Variants in MIP observed in about 807,000 individuals in gnomAD.
MIP encodes the protein major intrinsic protein of lens fiber, also known as lens fiber major intrinsic protein.
In MIP, 14 loss-of-function variants were observed where a neutral mutation model predicts 21.8. The ratio of observed to expected loss-of-function variants is 0.64; its 90% confidence interval spans 0.42 to 1.00. The LOEUF (loss-of-function observed/expected upper bound fraction) is 1.00, where lower values mean the gene tolerates loss of function less well. Among genes scored for constraint, MIP ranks in the 50% least tolerant of loss-of-function variants. The pLI is 0.00. For synonymous variants in MIP, 133 were observed against 141.4 expected, an observed-to-expected ratio of 0.94 and a Z score of 0.42; for missense variants, 260 against 333.5, an observed-to-expected ratio of 0.78 and a Z score of 1.72.
chr12:56,453,626 C>T lies in MIP; in HGVS notation c.490G>A (p.Val164Ile), dbSNP rs149279854. 2.2e-4 allele frequency: 348 copies of T among 1,614,136 alleles called. No individual in the cohort carries two copies. Among genetic ancestry groups the T allele is most frequent in the Non-Finnish European group, 2.8e-4 (336 of 1,180,060 alleles). ...TGCCCCAGGGCAAGGGAGAAGCCAA[C>T]GGCCAGGGCCACGGAGCCCAGTTGG... Reference protein sequence around the residue: ...NGQLGSVALAVGFSLALGHLF... With the variant: ...NGQLGSVALAIGFSLALGHLF... The change falls in exon 2 of 4, where the codon GTT (valine) becomes ATT (isoleucine). Residue 164 changes from valine (V) to isoleucine (I), a missense_variant. Transcript: ENST00000652304.
intron 2 of MIP, among the ~76,000 whole-genome samples, chr12:56,453,379 A>G (rs1337131865): frequency 6.6e-6 from 1 of 152,220 alleles, no homozygotes; most frequent in African/African-American, 2.4e-5. Flanking sequence ...TCTAGCCATG[A>G]TACGTTCATT....
Position 56,450,870 on chromosome 12 carries a change from C to T in MIP, c.*410G>A, listed in dbSNP as rs1868578723. 5.4e-6 allele frequency: 1 copy of T among 185,840 alleles called. No homozygotes were observed. The highest frequency in any genetic ancestry group is 5.5e-5 in the Admixed American group (1 of 18,210). The allele number at this position is 185,840 out of a possible 1,614,324, so 11.5% of individuals were successfully genotyped here. On this transcript the variant is annotated 3_prime_UTR_variant, in exon 4 of 4. Coordinates refer to ENST00000652304, the MANE Select transcript of MIP (RefSeq NM_012064.4). ...GTTCCCTCAGAAATCAAGAGCCACA[C>T]ACTTGACTGGCAGCAGGGTAAAGGC...
At chr12:56,454,787 T>A, upstream of MIP, 1 of 709,694 alleles carries the variant, frequency 1.4e-6, no homozygotes, top group Non-Finnish European at 2.3e-6. Flanking sequence ...CCCTACATGG[T>A]AAAAATGCTG....
rs1565694224 is a variant in MIP at position 56,453,168 on chromosome 12, T to G, written c.526-16A>C. The G allele has an allele frequency of 6.3e-7, 1 of 1,586,218 alleles. No individual in the cohort carries two copies. Among genetic ancestry groups the G allele is most frequent in the Non-Finnish European group, 8.7e-7 (1 of 1,154,690 alleles). On this transcript the variant is annotated splice_polypyrimidine_tract_variant and intron_variant, in intron 2 of 3. Transcript: ENST00000652304. ...TATAATACATCTGCAAAAGAGACAGTTGTAACTGAGACACCCCCCTACTGC... is the reference window on the plus strand; with the variant it reads ...TATAATACATCTGCAAAAGAGACAGGTGTAACTGAGACACCCCCCTACTGC...
chr12:56,455,366 T>C (rs909959469), upstream of MIP, among the ~76,000 whole-genome samples: 1 of 152,036 alleles, frequency 6.6e-6, no homozygotes, highest in African/African-American at 2.4e-5. Flanking sequence ...CATCCCTGCA[T>C]GGGCTGGGAG....
intron 2 of MIP, among the ~76,000 whole-genome samples, chr12:56,453,371 T>A (rs1416235179): frequency 6.6e-6 from 1 of 152,188 alleles, no homozygotes; most frequent in Admixed American, 6.5e-5. Context: ...AGCCCATGTC[T>A]AGCCATGATA....
intron 1 of MIP, 48 bp from the exon 2 acceptor site, chr12:56,453,803 T>C (rs771995377): frequency 2.5e-6 from 4 of 1,582,146 alleles, no homozygotes; most frequent in African/African-American, 2.7e-5. Flanking sequence ...GCTGCCACAG[T>C]GTTACCTCCT....
intron 3 of MIP, among the ~76,000 whole-genome samples, chr12:56,452,021 C>T (rs1868636095): frequency 6.6e-6 from 1 of 152,160 alleles, no homozygotes; most frequent in African/African-American, 2.4e-5. Context: ...CACTGCACTC[C>T]AGCCTGGGTG....
In MIP at chr12:56,453,647, G is replaced by C; in HGVS notation, c.469C>G (p.Leu157Val). Residue 157 changes from leucine (L) to valine (V), a missense_variant, in exon 2 of 4, where the codon CTG (leucine) becomes GTG (valine). Transcript: ENST00000652304. ...CCAACGGCCAGGGCCACGGAGCCCAGTTGGCCATTCCGCCTCTCGTCGTAT... is the reference window on the plus strand; with the variant it reads ...CCAACGGCCAGGGCCACGGAGCCCACTTGGCCATTCCGCCTCTCGTCGTAT... ...ATYDERRNGQLGSVALAVGFS... is the reference protein window; with the variant it reads ...ATYDERRNGQVGSVALAVGFS... 1 of 1,614,258 alleles carries C rather than the reference G, an allele frequency of 6.2e-7. No individual in the cohort carries two copies. The highest frequency in any genetic ancestry group is 2.2e-5 in the East Asian group (1 of 44,890).
intron 3 of MIP, chr12:56,452,725 G>A: frequency 2.7e-6 from 1 of 364,380 alleles, no homozygotes; most frequent in Non-Finnish European, 5.3e-6. Flanking sequence ...ACTGGAATGG[G>A]GCTGAGGCCC....
In MIP at chr12:56,451,281, T is replaced by C. The variant is rs1249590446; in HGVS notation, c.791A>G (p.Ter264TrpextTer19). 1 of 1,613,340 alleles carries C rather than the reference T, an allele frequency of 6.2e-7. No individual in the cohort carries two copies. The highest frequency in any genetic ancestry group is 8.5e-7 in the Non-Finnish European group (1 of 1,180,020). The change falls in exon 4 of 4, where the codon TAG (stop) becomes TGG (tryptophan). Residue 264 changes from the stop codon to tryptophan, a stop_lost. Coordinates refer to ENST00000652304, the MANE Select transcript of MIP (RefSeq NM_012064.4). ...EPVELNTQAL* is the reference protein window; with the variant it reads ...EPVELNTQALW ...ACTCCCTCTATTCAGCTGGAGCTTCTACAGGGCCTGGGTGTTCAGTTCAAC... is the reference window on the plus strand; with the variant it reads ...ACTCCCTCTATTCAGCTGGAGCTTCCACAGGGCCTGGGTGTTCAGTTCAAC...
At chr12:56,452,675 A>T (rs1868656984) in intron 3 of MIP, 3 of 265,052 alleles carry the variant, frequency 1.1e-5, no homozygotes, top group African/African-American at 6.6e-5. Flanking sequence ...CAGAGTGATT[A>T]TTTGCCCATG....
At chr12:56,451,583 C>A in intron 3 of MIP, 118 bp from the exon 4 acceptor site, 1 of 778,726 alleles carries the variant, frequency 1.3e-6, no homozygotes, top group Non-Finnish European at 2.2e-6. Flanking sequence ...CTACAATAAA[C>A]TCACCATTTA....
Position 56,451,474 on chromosome 12 carries a change from A to C in MIP, c.607-9T>G. The C allele has an allele frequency of 6.2e-7, 1 of 1,613,798 alleles. No homozygotes were observed. Among genetic ancestry groups the C allele is most frequent in the East Asian group, 2.2e-5 (1 of 44,886 alleles). ...GGGCCTACCCAGTACACCTGTAGAA[A>C]GAGAAAAGGAATACTCAGGCTTGGG... On this transcript the variant is annotated splice_polypyrimidine_tract_variant and intron_variant, in intron 3 of 3. Transcript: ENST00000652304.
In MIP at chr12:56,454,235, CCT is replaced by C. The variant is rs1565694691; in HGVS notation, c.360+17_360+18del. ...AGACAGGACACCAGGTTCCCCATCC[CCT>C]CTCAGCCAACCATTACCGTGTTGAG... is the stretch of plus-strand genomic sequence containing the variant. On this transcript the variant is annotated intron_variant, in intron 1 of 3. Coordinates refer to ENST00000652304, the MANE Select transcript of MIP (RefSeq NM_012064.4). The C allele has an allele frequency of 1.2e-6, 2 of 1,613,978 alleles. No individual in the cohort carries two copies. Among genetic ancestry groups the C allele is most frequent in the South Asian group, 2.2e-5 (2 of 91,044 alleles).
chr12:56,455,635 G>A (rs1236322958), upstream of MIP, among the ~76,000 whole-genome samples: 1 of 152,142 alleles, frequency 6.6e-6, no homozygotes, highest in African/African-American at 2.4e-5. Context: ...AGAGGGAAAA[G>A]GATAATATGG....
At chr12:56,455,009 T>G (rs552597266), upstream of MIP, among the ~76,000 whole-genome samples, 8 of 152,248 alleles carry the variant, frequency 5.3e-5, no homozygotes, top group African/African-American at 1.9e-4. Flanking sequence ...GGAAGGTCCA[T>G]CAAGCTGAGC....
At chr12:56,453,014 C>A in intron 3 of MIP, 58 bp downstream of exon 3, 1 of 1,171,836 alleles carries the variant, frequency 8.5e-7, no homozygotes, top group South Asian at 1.2e-5. Context: ...AGCCTGGAAC[C>A]TGCAGTCCAC....
intron 1 of MIP, 54 bp from the exon 2 acceptor site, chr12:56,453,809 C>T (rs777918289): frequency 1.3e-6 from 2 of 1,558,102 alleles, no homozygotes; most frequent in Admixed American, 1.8e-5. Flanking sequence ...ACAGTGTTAC[C>T]TCCTCAAGAC....
Sources: gnomAD v4.1 joint callset for allele counts (sites outside exome capture counted in the v4.1 genomes callset) on GRCh38, gnomAD v4.1.1 for gene constraint, MANE v1.5 for transcripts, NCBI Gene and HGNC (gene_info 2026-07-23, HGNC 2026-07-21) for gene names.